The following ATE1 variants were observed in gnomAD, a reference collection of about 807,000 sequenced individuals.
The protein encoded by ATE1 is arginyltransferase 1.
Under a neutral mutation model 70.5 loss-of-function variants are expected in ATE1, and 36 were observed. The ratio of observed to expected loss-of-function variants is 0.51; its 90% CI spans 0.39 to 0.67. ATE1 has a LOEUF of 0.67. ATE1 is among the 30% of genes least tolerant of loss of function. The pLI is 0.00. For missense variants in ATE1, 593 were observed against 629.5 expected, an observed-to-expected ratio of 0.94 and a Z score of 0.62; for synonymous variants, 232 against 219.3, an observed-to-expected ratio of 1.06 and a Z score of -0.51.
intron 8 of ATE1, among the ~76,000 whole-genome samples, chr10:121,845,339 A>G (rs1031177884): frequency 7.2e-5 from 11 of 152,234 alleles, no homozygotes; most frequent in African/African-American, 2.7e-4. Context: ...TATTGCAGCA[A>G]TAACAGATCA....
At chr10:121,801,343 A>G (rs1292619067) in intron 10 of ATE1, among the ~76,000 whole-genome samples, 1 of 152,184 alleles carries the variant, frequency 6.6e-6, no homozygotes, top group African/African-American at 2.4e-5. Context: ...GAGAATCAAG[A>G]TTCTAATTCA....
intron 10 of ATE1, among the ~76,000 whole-genome samples, chr10:121,817,517 C>G (rs150754756): frequency 7.1e-6 from 1 of 140,490 alleles, no homozygotes; most frequent in Non-Finnish European, 1.5e-5. Context: ...CCAGCCTGGG[C>G]GACAGAGCGA....
intron 10 of ATE1, among the ~76,000 whole-genome samples, chr10:121,828,226 A>G (rs541659402): frequency 3.3e-5 from 5 of 152,236 alleles, no homozygotes; most frequent in East Asian, 3.8e-4. Context: ...ACTCAGTTCA[A>G]TTCAAGACAT....
intron 11 of ATE1, among the ~76,000 whole-genome samples, chr10:121,773,815 G>T (rs1342441950): frequency 6.6e-6 from 1 of 152,106 alleles, no homozygotes; most frequent in Non-Finnish European, 1.5e-5. Flanking sequence ...AAACAAAACA[G>T]TACTATAAAG....
rs188408152 is a variant in ATE1 at position 121,866,587 on chromosome 10, C to T, written c.975+3419G>A. ...TTGTGGCCGGGCGCAGTGGCTCACACCTGTAATTCTAGCACTTTGGGAGGA... is the reference window on the plus strand; with the variant it reads ...TTGTGGCCGGGCGCAGTGGCTCACATCTGTAATTCTAGCACTTTGGGAGGA... On this transcript the variant is annotated intron_variant, in intron 8 of 11. Transcript: ENST00000224652. Among the ~76,000 whole-genome samples the T allele has an allele frequency of 7.4e-3, 1,129 of 152,208 alleles. 21 individuals are homozygous for T. The highest frequency in any genetic ancestry group is 0.026 in the African/African-American group (1,082 of 41,530).
chr10:121,926,754 C>T, intron 1 of ATE1: 1 of 985,394 alleles, frequency 1.0e-6, no homozygotes. Context: ...ATTTGGTGTA[C>T]TTCCGGGCCT....
intron 2 of ATE1, among the ~76,000 whole-genome samples, 159 bp downstream of exon 2, chr10:121,924,107 C>A (rs1951985811): frequency 1.3e-5 from 2 of 152,110 alleles, no homozygotes; most frequent in Admixed American, 1.3e-4. Flanking sequence ...ATTTTCCTAA[C>A]AAAGTTTTTT....
chr10:121,868,495 CTT>C (rs1317752306), intron 8 of ATE1, among the ~76,000 whole-genome samples: 1 of 152,130 alleles, frequency 6.6e-6, no homozygotes, highest in African/African-American at 2.4e-5. Flanking sequence ...GGCTATAAAA[CTT>C]ATATTGTCTT....
intron 10 of ATE1, among the ~76,000 whole-genome samples, chr10:121,827,109 G>A (rs1008213752): frequency 4.6e-5 from 7 of 151,898 alleles, no homozygotes; most frequent in Non-Finnish European, 8.8e-5. Flanking sequence ...CGCCTTCTGG[G>A]TTCAAGCAAT....
At chr10:121,875,072 G>A (rs547910549) in intron 7 of ATE1, among the ~76,000 whole-genome samples, 118 of 147,090 alleles carry the variant, frequency 8.0e-4, no homozygotes, top group Non-Finnish European at 1.4e-3. Context: ...CCAGGAGACG[G>A]AGCTTGCAGT....
At chr10:121,838,124 C>T (rs1026123506) in intron 9 of ATE1, among the ~76,000 whole-genome samples, 8 of 152,164 alleles carry the variant, frequency 5.3e-5, no homozygotes, top group Non-Finnish European at 1.2e-4. Context: ...ATGACTGCAG[C>T]AGCTTCCCAG....
chr10:121,772,573 G>A (rs1945565643), intron 11 of ATE1, among the ~76,000 whole-genome samples: 1 of 152,148 alleles, frequency 6.6e-6, no homozygotes. Context: ...ACGCCTCACA[G>A]CCTGAAGTAG....
At chr10:121,893,750 T>C (rs4752619) in intron 7 of ATE1, among the ~76,000 whole-genome samples, 1 of 152,066 alleles carries the variant, frequency 6.6e-6, no homozygotes, top group Non-Finnish European at 1.5e-5. Context: ...AAATATATAG[T>C]GAAAAAAATC....
intron 7 of ATE1, chr10:121,898,706 G>A (rs1405588051): frequency 3.1e-6 from 3 of 964,858 alleles, no homozygotes; most frequent in African/African-American, 1.7e-5. Context: ...TCACATGTAT[G>A]AGTCATGTGA....
chr10:121,909,705 AC>A (rs1037578900), intron 5 of ATE1, among the ~76,000 whole-genome samples: 2 of 152,090 alleles, frequency 1.3e-5, no homozygotes, highest in African/African-American at 4.8e-5. Context: ...AATTGACCCT[AC>A]CCCCCAGAGA....
chr10:121,796,993 C>T (rs12268795), intron 10 of ATE1, among the ~76,000 whole-genome samples: 94,734 of 152,064 alleles, frequency 0.62, 29,545 homozygotes, highest in South Asian at 0.66. Flanking sequence ...TAACAGAATT[C>T]AGCCTAAAAA....
intron 7 of ATE1, among the ~76,000 whole-genome samples, chr10:121,895,428 C>A (rs1046964306): frequency 1.3e-5 from 2 of 151,798 alleles, no homozygotes; most frequent in Non-Finnish European, 2.9e-5. Context: ...GCCAACATGG[C>A]GAAACCCCAT....
intron 11 of ATE1, among the ~76,000 whole-genome samples, chr10:121,755,023 G>A (rs974140374): frequency 6.6e-6 from 1 of 152,076 alleles, no homozygotes; most frequent in Non-Finnish European, 1.5e-5. Context: ...GGTAACAAAA[G>A]ACAAGGATAT....
At chr10:121,776,759 C>T (rs1945762158) in intron 11 of ATE1, among the ~76,000 whole-genome samples, 1 of 152,238 alleles carries the variant, frequency 6.6e-6, no homozygotes, top group African/African-American at 2.4e-5. Flanking sequence ...TGCACAGATA[C>T]ATGAAAGTGA....
Sources: allele counts gnomAD v4.1 joint callset (sites outside exome capture counted in the v4.1 genomes callset), GRCh38; gene constraint gnomAD v4.1.1; transcripts MANE v1.5; gene names NCBI Gene and HGNC (gene_info 2026-07-23, HGNC 2026-07-21).